ANP32A: variants seen among roughly 807,000 people sequenced by gnomAD.
ANP32A encodes the protein acidic nuclear phosphoprotein 32 family member A, also known as acidic leucine-rich nuclear phosphoprotein 32 family member A.
A neutral mutation model predicts 33.9 loss-of-function variants in ANP32A; 1 was observed. That is an observed-to-expected ratio of 0.03 (90% CI 0.01 to 0.14). ANP32A has a LOEUF of 0.14. ANP32A is among the 10% of genes least tolerant of loss of function. ANP32A has a pLI of 1.00. For missense variants in ANP32A, 155 were observed against 306.0 expected, an observed-to-expected ratio of 0.51 and a Z score of 3.68; for synonymous variants, 115 against 120.5, an observed-to-expected ratio of 0.95 and a Z score of 0.30.
At position 68,779,976 on chromosome 15, in the gene ANP32A, GA is replaced by G. The variant is rs1039388547; in HGVS notation, c.*104del. The G allele has an allele frequency of 4.4e-5, 43 of 967,214 alleles. No homozygotes were observed. The highest frequency in any genetic ancestry group is 5.1e-5 in the Non-Finnish European group (35 of 683,864). 59.9% of individuals were successfully genotyped at this position (967,214 alleles called of 1,614,324 possible). On this transcript the variant is annotated 3_prime_UTR_variant, in exon 7 of 7. Transcript: ENST00000465139. ...CGTTCCCACAGCAACGTTACAATCAGAAAAAAATAAGTTTCAGGGGGCAGGA... is the reference window on the plus strand; with the variant it reads ...CGTTCCCACAGCAACGTTACAATCAGAAAAAATAAGTTTCAGGGGGCAGGA...
At position 68,779,278 on chromosome 15, in the gene ANP32A, T is replaced by C. The variant is rs1005888098; in HGVS notation, c.*803A>G. Reference sequence around the variant, plus strand: ...TGTGGAAGAATTCTCTCATCATTTTTTGTAAAACAAAGCGTTCTAATATTT... The same window carrying C: ...TGTGGAAGAATTCTCTCATCATTTTCTGTAAAACAAAGCGTTCTAATATTT... On this transcript the variant is annotated 3_prime_UTR_variant, in exon 7 of 7. Coordinates refer to ENST00000465139, the MANE Select transcript of ANP32A (RefSeq NM_006305.4). 2.6e-5 allele frequency: 4 copies of C among 152,212 alleles called. No homozygotes were observed. Among genetic ancestry groups the C allele is most frequent in the Non-Finnish European group, 5.9e-5 (4 of 68,030 alleles). 9.4% of individuals were successfully genotyped at this position (152,212 alleles called of 1,614,324 possible). A position where few individuals can be genotyped will look rare whatever the true frequency, so the allele number is the denominator to read the frequency against.
chr15:68,808,046 G>A (rs549528367), intron 1 of ANP32A, among the ~76,000 whole-genome samples: 9 of 152,304 alleles, frequency 5.9e-5, no homozygotes, highest in Middle Eastern at 6.8e-3. Flanking sequence ...GGCAGGTCAA[G>A]GAGCGGATCC....
intron 1 of ANP32A, among the ~76,000 whole-genome samples, chr15:68,794,072 C>T (rs993205290): frequency 1.3e-5 from 2 of 152,148 alleles, no homozygotes; most frequent in African/African-American, 2.4e-5. Flanking sequence ...TCTGAGCTTC[C>T]GTTTCCTTTA....
At chr15:68,818,659 G>A (rs971685210) in intron 1 of ANP32A, among the ~76,000 whole-genome samples, 11 of 152,040 alleles carry the variant, frequency 7.2e-5, no homozygotes, top group African/African-American at 2.4e-4. Context: ...GAGCCGGTTC[G>A]ACCCGCTTTC....
At chr15:68,818,297 C>A in intron 1 of ANP32A, 1 of 259,118 alleles carries the variant, frequency 3.9e-6, no homozygotes, top group Non-Finnish European at 8.1e-6. Flanking sequence ...TCCCGGAGCC[C>A]AGTTGGGAGA....
At chr15:68,790,675 A>G (rs550842186) in intron 1 of ANP32A, 10 of 152,270 alleles carry the variant, frequency 6.6e-5, no homozygotes, top group Admixed American at 5.2e-4. Context: ...GCACGTCCGA[A>G]CTGCTTATCC....
intron 3 of ANP32A, among the ~76,000 whole-genome samples, chr15:68,786,275 T>G (rs1247359103): frequency 8.3e-6 from 1 of 120,730 alleles, no homozygotes; most frequent in Non-Finnish European, 1.6e-5. Context: ...TTTTTTTTTT[T>G]TGGAGACAGA....
At chr15:68,814,805 A>C (rs920273805) in intron 1 of ANP32A, among the ~76,000 whole-genome samples, 1 of 152,340 alleles carries the variant, frequency 6.6e-6, no homozygotes, top group African/African-American at 2.4e-5. Flanking sequence ...TGTCATTTTC[A>C]AAGATCTGGG....
rs771143708 is a variant in ANP32A, at chr15:68,784,535, C to T, written c.388G>A (p.Asp130Asn). ...AGCTTGAACACATTTTCTCGGTAGT[C>T]GTTCAGGTTGGTTACCTCGCAATTG... is the stretch of plus-strand genomic sequence containing the variant. ...LFNCEVTNLNDYRENVFKLLP... is the reference protein window; with the variant it reads ...LFNCEVTNLNNYRENVFKLLP... The change falls in exon 4 of 7, where the codon GAC becomes AAC. Residue 130 changes from aspartate to asparagine, a missense_variant. Coordinates refer to ENST00000465139, the MANE Select transcript of ANP32A (RefSeq NM_006305.4). The T allele has an allele frequency of 5.6e-6, 9 of 1,614,056 alleles. No individual in the cohort carries two copies. The highest frequency in any genetic ancestry group is 6.8e-6 in the Non-Finnish European group (8 of 1,180,046).
rs529803186 is a variant in ANP32A, at chr15:68,818,053, A to T, written c.54+2645T>A. On this transcript the variant is annotated intron_variant, in intron 1 of 6. Transcript: ENST00000465139. ...AGCCGTTAAAAAAAATAAATAAATAAAAATAAATAAATAAAACACCTGGAA... is the reference window on the plus strand; with the variant it reads ...AGCCGTTAAAAAAAATAAATAAATATAAATAAATAAATAAAACACCTGGAA... Among the ~76,000 whole-genome samples, 18 of 152,208 alleles carry T rather than the reference A, an allele frequency of 1.2e-4. No homozygotes were observed. In the South Asian group the frequency reaches 3.7e-3, roughly 32 times the overall value.
At chr15:68,783,708 A>G (rs1447851497) in intron 4 of ANP32A, among the ~76,000 whole-genome samples, 2 of 152,294 alleles carry the variant, frequency 1.3e-5, no homozygotes, top group Admixed American at 6.5e-5. Flanking sequence ...AAGGGGAGGG[A>G]ACAGGACTCC....
intron 3 of ANP32A, among the ~76,000 whole-genome samples, chr15:68,785,375 G>A (rs1204003814): frequency 1.3e-5 from 2 of 152,136 alleles, no homozygotes; most frequent in African/African-American, 4.8e-5. Flanking sequence ...CATACTGCTT[G>A]CAAGTAACTG....
chr15:68,820,782 G>T lies in ANP32A; in HGVS notation c.-31C>A, dbSNP rs1426295853. 2.5e-6 allele frequency: 4 copies of T among 1,613,678 alleles called. 1 individual carries two copies. The Admixed American group carries it at 6.7e-5, about 27-fold the overall frequency. ...GCGCTCTCTCTCTGCAGAGGCTCCC[G>T]CGCCGGCGGAATTCAATCAATAAAC... On this transcript the variant is annotated 5_prime_UTR_variant, in exon 1 of 7. Transcript: ENST00000465139.
chr15:68,809,508 G>A (rs1894284334), intron 1 of ANP32A, among the ~76,000 whole-genome samples: 2 of 152,114 alleles, frequency 1.3e-5, no homozygotes, highest in South Asian at 4.1e-4. Context: ...ATTTTATAAT[G>A]TCCATATTTA....
intron 1 of ANP32A, among the ~76,000 whole-genome samples, chr15:68,799,037 C>T (rs1267428207): frequency 6.6e-6 from 1 of 152,244 alleles, no homozygotes; most frequent in Non-Finnish European, 1.5e-5. Flanking sequence ...AGGGGCTACA[C>T]ATAAGAAGCA....
chr15:68,802,209 A>G (rs1279516713), intron 1 of ANP32A, among the ~76,000 whole-genome samples: 1 of 152,174 alleles, frequency 6.6e-6, no homozygotes, highest in East Asian at 1.9e-4. Context: ...TTTTAAAACC[A>G]AAATATATAA....
rs139711653 is a variant in ANP32A, at chr15:68,789,302, C to G, written c.55-1383G>C. ...AACTTCCATGCACAGGCCCTGATTT[C>G]TCACCAATGGGTCACATGGCACAAG... is the stretch of plus-strand genomic sequence containing the variant. On this transcript the variant is annotated intron_variant, in intron 1 of 6. Transcript: ENST00000465139. The G allele has an allele frequency of 7.0e-3, 1,074 of 152,686 alleles. 7 individuals are homozygous for G. The highest frequency in any genetic ancestry group is 0.016 in the South Asian group (77 of 4,840). The allele number at this position is 152,686 out of a possible 1,614,324, so 9.5% of individuals were successfully genotyped here. A position where few individuals can be genotyped will look rare whatever the true frequency, so the allele number is the denominator to read the frequency against.
At chr15:68,798,923 A>G (rs1466586029) in intron 1 of ANP32A, among the ~76,000 whole-genome samples, 4 of 152,208 alleles carry the variant, frequency 2.6e-5, no homozygotes, top group Non-Finnish European at 5.9e-5. Context: ...CCAACCACCA[A>G]TGGGAAATCG....
At chr15:68,802,338 TTC>T (rs1166429959) in intron 1 of ANP32A, among the ~76,000 whole-genome samples, 1 of 152,214 alleles carries the variant, frequency 6.6e-6, no homozygotes, top group Non-Finnish European at 1.5e-5. Context: ...ATCTTATTTC[TTC>T]TCTCTTTTAT....
Sources: gnomAD v4.1 joint callset for allele counts (sites outside exome capture counted in the v4.1 genomes callset) on GRCh38, gnomAD v4.1.1 for gene constraint, MANE v1.5 for transcripts, NCBI Gene and HGNC (gene_info 2026-07-23, HGNC 2026-07-21) for gene names.